RALYL: variants seen among roughly 807,000 people sequenced by gnomAD.
RALYL encodes RALY RNA binding protein like, also known as RNA-binding Raly-like protein.
RALYL carries 29 observed loss-of-function variants against 35.1 expected under a neutral mutation model. The observed-to-expected ratio is 0.83, with a 90% CI of 0.61 to 1.13. RALYL has a LOEUF of 1.13. Among genes scored for constraint, RALYL ranks in the 50% most tolerant of loss-of-function variants. The pLI, the probability that RALYL is intolerant of heterozygous loss-of-function variation, is 0.00. For missense variants in RALYL, 359 were observed against 360.4 expected (o/e 1.00, Z 0.03); for synonymous variants, 120 against 127.6 (o/e 0.94, Z 0.40).
At position 84,706,724 on chromosome 8, in the gene RALYL, A is replaced by C. The variant is rs146223110; in HGVS notation, c.257-67855A>C. Among the ~76,000 whole-genome samples the C allele has an allele frequency of 4.3e-3, 652 of 152,256 alleles. 5 individuals carry two copies. The highest frequency in any genetic ancestry group is 0.014 in the African/African-American group (599 of 41,544). ...AAGTCCAGAACAAAGATTATTATGG[A>C]ACTGAAAGCTATCAGGATCTTGCTA... On this transcript the variant is annotated intron_variant, in intron 2 of 8. Coordinates refer to ENST00000521268, the MANE Select transcript of RALYL (RefSeq NM_173848.7).
In RALYL at chr8:84,385,029, C is replaced by T. The variant is rs193053739; in HGVS notation, c.-23-144270C>T. 9.2e-5 allele frequency among the ~76,000 whole-genome samples: 14 copies of T among 151,854 alleles called. No homozygotes were observed. The East Asian group carries it at 9.7e-4, about 11-fold the overall frequency. On this transcript the variant is annotated intron_variant, in intron 1 of 8. Coordinates refer to ENST00000521268, the MANE Select transcript of RALYL (RefSeq NM_173848.7). ...AACCTATTGGTACACATAGGTTGTA[C>T]GAGGACCTAAATATTCTTCCACCCC...
At chr8:84,816,454 T>TC (rs1306770352) in intron 4 of RALYL, among the ~76,000 whole-genome samples, 4 of 152,242 alleles carry the variant, frequency 2.6e-5, no homozygotes, top group Admixed American at 1.3e-4. Flanking sequence ...ATGAATTTTT[T>TC]CATAAGTAGC....
intron 7 of RALYL, among the ~76,000 whole-genome samples, chr8:84,875,872 C>CTCTT (rs1841036941): frequency 6.6e-6 from 1 of 152,096 alleles, no homozygotes; most frequent in Non-Finnish European, 1.5e-5. Context: ...TTCATTATTA[C>CTCTT]TCTTTCATAA....
chr8:84,789,177 A>T (rs1392182304), intron 3 of RALYL, among the ~76,000 whole-genome samples: 1 of 152,206 alleles, frequency 6.6e-6, no homozygotes, highest in East Asian at 1.9e-4. Flanking sequence ...AGAGCAACAA[A>T]TGGTAATGAG....
At chr8:84,367,381 G>T (rs1854687245) in intron 1 of RALYL, among the ~76,000 whole-genome samples, 3 of 112,110 alleles carry the variant, frequency 2.7e-5, no homozygotes, top group South Asian at 6.2e-4. Flanking sequence ...GTAGAGGCAG[G>T]GTTTCACCAT....
chr8:84,880,646 C>T (rs1425774662), intron 7 of RALYL, among the ~76,000 whole-genome samples: 2 of 151,966 alleles, frequency 1.3e-5, no homozygotes, highest in East Asian at 1.9e-4. Flanking sequence ...TTATTTTTTA[C>T]ACCAATTTAT....
chr8:84,806,917 G>A lies in RALYL; in HGVS notation c.365+2115G>A, dbSNP rs113800479. ...TCCTAGCCACCTGGGGGGCTGAGGCGGGAGGATCATTTGAGCCCAGCAGGT... is the reference window on the plus strand; with the variant it reads ...TCCTAGCCACCTGGGGGGCTGAGGCAGGAGGATCATTTGAGCCCAGCAGGT... On this transcript the variant is annotated intron_variant, in intron 4 of 8. Coordinates refer to ENST00000521268, the MANE Select transcript of RALYL (RefSeq NM_173848.7). Among the ~76,000 whole-genome samples the A allele has an allele frequency of 7.6e-3, 1,161 of 152,092 alleles. 13 individuals are homozygous for A. Among genetic ancestry groups the A allele is most frequent in the African/African-American group, 0.026 (1,095 of 41,488 alleles).
intron 1 of RALYL, among the ~76,000 whole-genome samples, chr8:84,435,583 C>T (rs1187956737): frequency 1.3e-5 from 2 of 152,078 alleles, no homozygotes. Context: ...CTTTTTACTA[C>T]CCACCATATA....
intron 1 of RALYL, among the ~76,000 whole-genome samples, chr8:84,430,993 C>A (rs1263120639): frequency 2.0e-5 from 3 of 152,076 alleles, no homozygotes; most frequent in Non-Finnish European, 4.4e-5. Flanking sequence ...ACTTAACATT[C>A]CTGAGTAAGA....
intron 1 of RALYL, among the ~76,000 whole-genome samples, chr8:84,212,639 T>C (rs921285005): frequency 6.6e-6 from 1 of 152,178 alleles, no homozygotes; most frequent in Non-Finnish European, 1.5e-5. Context: ...GTAGGTGAAG[T>C]ACAGGCAGTA....
At chr8:84,630,544 T>C (rs1025416719) in intron 2 of RALYL, among the ~76,000 whole-genome samples, 2 of 152,054 alleles carry the variant, frequency 1.3e-5, no homozygotes, top group African/African-American at 4.8e-5. Context: ...TGCTTCCATG[T>C]TTCTCCTCAA....
intron 1 of RALYL, among the ~76,000 whole-genome samples, chr8:84,193,770 C>A (rs1468537829): frequency 2.0e-5 from 3 of 152,166 alleles, no homozygotes; most frequent in Non-Finnish European, 4.4e-5. Flanking sequence ...CATCACTTCT[C>A]TAGGAACACT....
chr8:84,352,372 A>G lies in RALYL; in HGVS notation c.-24+167948A>G, dbSNP rs1851065094. 3.3e-5 allele frequency among the ~76,000 whole-genome samples: 5 copies of G among 150,602 alleles called. 1 individual carries two copies. The highest frequency in any genetic ancestry group is 1.3e-4 in the Admixed American group (2 of 15,188). ...AACAAGAGATATGGAAATTAAAAAT[A>G]CTCAAAAGAAACAAATCCTTGAAAA... On this transcript the variant is annotated intron_variant, in intron 1 of 8. Coordinates refer to ENST00000521268, the MANE Select transcript of RALYL (RefSeq NM_173848.7).
intron 2 of RALYL, among the ~76,000 whole-genome samples, chr8:84,647,769 C>T (rs1827808627): frequency 6.6e-6 from 1 of 151,948 alleles, no homozygotes; most frequent in Admixed American, 6.6e-5. Context: ...TTATGGTGAT[C>T]ATTATTAAAC....
intron 8 of RALYL, among the ~76,000 whole-genome samples, chr8:84,888,341 T>C (rs1200737474): frequency 6.6e-6 from 1 of 152,232 alleles, no homozygotes; most frequent in African/African-American, 2.4e-5. Context: ...ATTTTCCTAA[T>C]ATTGTAATCA....
chr8:84,882,615 C>T (rs191461820), intron 7 of RALYL, among the ~76,000 whole-genome samples: 1 of 152,076 alleles, frequency 6.6e-6, no homozygotes, highest in African/African-American at 2.4e-5. Context: ...TTAATATATT[C>T]AGCAAACACT....
At chr8:84,874,682 A>T (rs894747006) in intron 7 of RALYL, among the ~76,000 whole-genome samples, 6 of 152,186 alleles carry the variant, frequency 3.9e-5, no homozygotes, top group Non-Finnish European at 8.8e-5. Context: ...AGCACATGTG[A>T]GGTGGTAGTG....
chr8:84,424,573 C>G (rs1357391189), intron 1 of RALYL, among the ~76,000 whole-genome samples: 116 of 151,324 alleles, frequency 7.7e-4, no homozygotes, highest in African/African-American at 2.7e-3. Flanking sequence ...CTCCATCCAG[C>G]TTTGTTCTGT....
At chr8:84,507,856 G>A (rs2057306521) in intron 1 of RALYL, among the ~76,000 whole-genome samples, 1 of 152,272 alleles carries the variant, frequency 6.6e-6, no homozygotes, top group East Asian at 1.9e-4. Context: ...CTGAAAGACA[G>A]TTGTAGCCTT....
Sources: gnomAD v4.1 joint callset for allele counts (sites outside exome capture counted in the v4.1 genomes callset) on GRCh38, gnomAD v4.1.1 for gene constraint, MANE v1.5 for transcripts, NCBI Gene and HGNC (gene_info 2026-07-23, HGNC 2026-07-21) for gene names.